The following UNC79 variants were observed in gnomAD, a reference collection of about 807,000 sequenced individuals.
The protein encoded by UNC79 is protein unc-79 homolog.
A neutral mutation model predicts 283.1 loss-of-function variants in UNC79; 37 were observed. That is an observed-to-expected ratio of 0.13 (90% CI 0.10 to 0.17). The LOEUF is 0.17. UNC79 is among the 10% of genes least tolerant of loss of function. UNC79 has a pLI of 1.00. For missense variants in UNC79, 2,272 were observed against 3,211.1 expected (o/e 0.71, Z 7.07); for synonymous variants, 1,107 against 1,200.2 (o/e 0.92, Z 1.61).
intron 1 of UNC79, among the ~76,000 whole-genome samples, chr14:93,394,565 T>C (rs941721985): frequency 4.6e-5 from 7 of 151,810 alleles, no homozygotes; most frequent in South Asian, 2.1e-4. Context: ...CACCCGCCAC[T>C]GCACCCAGCT....
At chr14:93,579,236 C>G (rs2063644410) in intron 18 of UNC79, among the ~76,000 whole-genome samples, 1 of 152,136 alleles carries the variant, frequency 6.6e-6, no homozygotes. Flanking sequence ...TCACCTTAAC[C>G]AAGAGACCAA....
In UNC79 at chr14:93,356,440, C is replaced by A. The variant is rs143279720; in HGVS notation, c.-351+22917C>A. Among the ~76,000 whole-genome samples, 1,169 of 152,364 alleles carry A rather than the reference C, an allele frequency of 7.7e-3. 12 individuals carry two copies. The highest frequency in any genetic ancestry group is 0.051 in the Middle Eastern group (15 of 294). On this transcript the variant is annotated intron_variant, in intron 1 of 49. Transcript: ENST00000256339. ...AACACAGATCCCTTTGTACTCTGGG[C>A]TCCAATCTCTGTTTCCTCACCCACG...
chr14:93,540,703 G>A, exon 13 of UNC79: 1 of 1,613,872 alleles, frequency 6.2e-7, no homozygotes, highest in African/African-American at 1.3e-5. Context: ...GCGAGAACAT[G>A]AGCTGAACCG....
intron 8 of UNC79, 75 bp downstream of exon 8, chr14:93,524,117 A>T: frequency 6.6e-7 from 1 of 1,512,084 alleles, no homozygotes; most frequent in Non-Finnish European, 9.2e-7. Flanking sequence ...AGTAGATTGC[A>T]TCCTTCTCTG....
chr14:93,664,259 G>T (rs549101341), intron 40 of UNC79, among the ~76,000 whole-genome samples: 2 of 152,268 alleles, frequency 1.3e-5, no homozygotes, highest in South Asian at 4.2e-4. Context: ...TCACTTTCTA[G>T]CAAACTGGTA....
intron 1 of UNC79, among the ~76,000 whole-genome samples, chr14:93,361,904 G>A (rs566804381): frequency 6.6e-6 from 1 of 152,276 alleles, no homozygotes; most frequent in Non-Finnish European, 1.5e-5. Context: ...TAACATGAAG[G>A]GGTGTTGAAT....
At chr14:93,423,342 A>C (rs2055650102) in intron 1 of UNC79, among the ~76,000 whole-genome samples, 1 of 152,186 alleles carries the variant, frequency 6.6e-6, no homozygotes, top group Admixed American at 6.5e-5. Flanking sequence ...GACATTCTTC[A>C]CAAAAATAGA....
exon 19 of UNC79, chr14:93,580,189 A>G: frequency 6.2e-7 from 1 of 1,614,126 alleles, no homozygotes; most frequent in Non-Finnish European, 8.5e-7. Flanking sequence ...GGTTTAGAGC[A>G]CAGCTTATCA....
intron 1 of UNC79, among the ~76,000 whole-genome samples, chr14:93,339,422 C>T (rs536981383): frequency 1.3e-5 from 2 of 152,298 alleles, no homozygotes; most frequent in African/African-American, 4.8e-5. Flanking sequence ...GCCTCAGCCT[C>T]CCGAGTAGCT....
chr14:93,458,528 A>G (rs1355672274), intron 1 of UNC79, among the ~76,000 whole-genome samples: 2 of 152,224 alleles, frequency 1.3e-5, no homozygotes, highest in Non-Finnish European at 2.9e-5. Context: ...ACTGCAAATG[A>G]TAATGAAGAA....
At chr14:93,581,484 CTT>C (rs569060513) in intron 19 of UNC79, among the ~76,000 whole-genome samples, 198 of 100,628 alleles carry the variant, frequency 2.0e-3, no homozygotes, top group African/African-American at 8.7e-3. Flanking sequence ...GTATTTGCAT[CTT>C]TTTTTTTTTT....
chr14:93,359,751 C>T (rs774188364), intron 1 of UNC79, among the ~76,000 whole-genome samples: 1 of 152,122 alleles, frequency 6.6e-6, no homozygotes, highest in Non-Finnish European at 1.5e-5. Context: ...AATCATGTCC[C>T]CTCAATTAAT....
intron 1 of UNC79, among the ~76,000 whole-genome samples, chr14:93,354,651 C>G (rs2054048615): frequency 6.6e-6 from 1 of 152,140 alleles, no homozygotes; most frequent in African/African-American, 2.4e-5. Flanking sequence ...GCATGCGCCA[C>G]CATGCCCAAC....
chr14:93,624,987 C>G (rs991688835), intron 30 of UNC79, among the ~76,000 whole-genome samples: 1 of 152,196 alleles, frequency 6.6e-6, no homozygotes. Context: ...TCCTCCGTAT[C>G]CCTCACTCAG....
chr14:93,691,496 AT>A (rs1417278827), intron 45 of UNC79: 1 of 572,226 alleles, frequency 1.7e-6, no homozygotes, highest in African/African-American at 1.9e-5. Context: ...GGGTGGGTAG[AT>A]TTCTTCAGCA....
chr14:93,408,760 T>G (rs1349855581), intron 1 of UNC79, among the ~76,000 whole-genome samples: 1 of 152,212 alleles, frequency 6.6e-6, no homozygotes, highest in Non-Finnish European at 1.5e-5. Context: ...ATAACAAATG[T>G]ACCACATTAA....
At chr14:93,417,829 C>T (rs1414085842) in intron 1 of UNC79, among the ~76,000 whole-genome samples, 3 of 151,686 alleles carry the variant, frequency 2.0e-5, no homozygotes, top group Non-Finnish European at 4.4e-5. Context: ...CCTGAGGCTT[C>T]TCCATTCTTC....
intron 12 of UNC79, among the ~76,000 whole-genome samples, chr14:93,539,994 T>C (rs939403422): frequency 6.6e-6 from 1 of 152,252 alleles, no homozygotes; most frequent in Non-Finnish European, 1.5e-5. Flanking sequence ...GCTGTACCTA[T>C]ATTTTTTATT....
Position 93,373,506 on chromosome 14 carries a change from G to A in UNC79, c.-351+39983G>A, listed in dbSNP as rs1048343713. The stretch of plus-strand genomic sequence containing the variant: ...ACATTAAAAGGATAATAAAGGAATA[G>A]TGTGCACAACCTAATTCCTTGGAAG... On this transcript the variant is annotated intron_variant, in intron 1 of 49. Transcript: ENST00000256339. Among the ~76,000 whole-genome samples the A allele has an allele frequency of 9.2e-5, 14 of 152,182 alleles. No homozygotes were observed. The East Asian group carries it at 2.7e-3, about 29-fold the overall frequency.
Sources: gnomAD v4.1 joint callset for allele counts (sites outside exome capture counted in the v4.1 genomes callset) on GRCh38, gnomAD v4.1.1 for gene constraint, MANE v1.5 for transcripts, NCBI Gene and HGNC (gene_info 2026-07-23, HGNC 2026-07-21) for gene names.